CPNE8: variants seen among roughly 807,000 people sequenced by gnomAD.
The protein encoded by CPNE8 is copine 8.
A neutral mutation model predicts 81.5 loss-of-function variants in CPNE8; 45 were observed. That is an observed-to-expected ratio of 0.55 (90% CI 0.44 to 0.71). The LOEUF is 0.71. Among genes scored for constraint, CPNE8 ranks in the 30% least tolerant of loss-of-function variants. The probability of loss-of-function intolerance (pLI) is 0.00; values close to 1 mark genes in which losing one functional copy is unlikely to be tolerated. For synonymous variants in CPNE8, 252 were observed against 226.3 expected (o/e 1.11, Z -1.02); for missense variants, 594 against 672.1 (o/e 0.88, Z 1.28).
chr12:38,750,453 G>C (rs1941333053), intron 10 of CPNE8, among the ~76,000 whole-genome samples: 2 of 152,204 alleles, frequency 1.3e-5, no homozygotes, highest in African/African-American at 4.8e-5. Flanking sequence ...CGTGAAAGCA[G>C]TCAGGAAGGG....
chr12:38,727,566 T>C (rs1403708699), intron 11 of CPNE8, among the ~76,000 whole-genome samples: 1 of 152,216 alleles, frequency 6.6e-6, no homozygotes, highest in Non-Finnish European at 1.5e-5. Flanking sequence ...GCTCCATTCA[T>C]AGGGCTTGGG....
At chr12:38,657,227 C>T (rs1040609186) in intron 19 of CPNE8, among the ~76,000 whole-genome samples, 1 of 152,188 alleles carries the variant, frequency 6.6e-6, no homozygotes, top group African/African-American at 2.4e-5. Context: ...GAGATTCTCT[C>T]CTGTGCCTGG....
chr12:38,860,834 G>A lies in CPNE8; in HGVS notation c.186+12170C>T, dbSNP rs185450889. 7.2e-4 allele frequency among the ~76,000 whole-genome samples: 110 copies of A among 152,194 alleles called. 4 individuals are homozygous for A. The East Asian group carries it at 7.7e-3, about 11-fold the overall frequency. ...GCAAAAAGTAGAAGAATGTCTGTCC[G>A]GGGTTGAAGGGAGGGAAAACTGGGA... On this transcript the variant is annotated intron_variant, in intron 3 of 19. Transcript: ENST00000331366.
Position 38,759,990 on chromosome 12 carries a change from T to C in CPNE8, c.722+857A>G, listed in dbSNP as rs548981034. On this transcript the variant is annotated intron_variant, in intron 10 of 19. Coordinates refer to ENST00000331366, the MANE Select transcript of CPNE8 (RefSeq NM_153634.3). The stretch of plus-strand genomic sequence containing the variant: ...TCCCTTTGGGGGTTGGTTTCTGGCT[T>C]GTACACAATGCAGAGAGAAAAGCAT... 3.3e-5 allele frequency among the ~76,000 whole-genome samples: 5 copies of C among 152,314 alleles called. No individual in the cohort carries two copies. The East Asian group carries it at 9.7e-4, about 29-fold the overall frequency.
At chr12:38,783,875 G>A (rs192411232) in intron 6 of CPNE8, among the ~76,000 whole-genome samples, 1 of 152,262 alleles carries the variant, frequency 6.6e-6, no homozygotes, top group Non-Finnish European at 1.5e-5. Flanking sequence ...GAAATATCTG[G>A]AAAGTCTTGC....
At chr12:38,806,167 C>G (rs1342427850) in intron 6 of CPNE8, among the ~76,000 whole-genome samples, 1 of 150,228 alleles carries the variant, frequency 6.7e-6, no homozygotes, top group African/African-American at 2.4e-5. Flanking sequence ...TGAATTCTAC[C>G]AGAGGCATGA....
intron 16 of CPNE8, among the ~76,000 whole-genome samples, chr12:38,678,206 G>A (rs1939335084): frequency 1.3e-5 from 2 of 151,868 alleles, no homozygotes; most frequent in African/African-American, 4.8e-5. Flanking sequence ...CACATCCACA[G>A]TCAAGTCTTA....
At chr12:38,708,038 G>A (rs1338788909) in intron 13 of CPNE8, among the ~76,000 whole-genome samples, 1 of 152,130 alleles carries the variant, frequency 6.6e-6, no homozygotes, top group Non-Finnish European at 1.5e-5. Flanking sequence ...AAAATCAATA[G>A]CATAACCTAA....
intron 6 of CPNE8, among the ~76,000 whole-genome samples, chr12:38,822,573 G>T (rs1006271401): frequency 8.5e-5 from 13 of 152,116 alleles, no homozygotes; most frequent in Non-Finnish European, 1.8e-4. Context: ...ACTCTTAAAT[G>T]AGTGTTATTC....
intron 6 of CPNE8, among the ~76,000 whole-genome samples, chr12:38,816,402 A>G (rs1184944248): frequency 6.6e-6 from 1 of 152,202 alleles, no homozygotes; most frequent in African/African-American, 2.4e-5. Context: ...GAAGGTATTC[A>G]GCCTCTTGAT....
At chr12:38,656,755 G>C (rs1215661105) in intron 19 of CPNE8, among the ~76,000 whole-genome samples, 1 of 152,090 alleles carries the variant, frequency 6.6e-6, no homozygotes, top group African/African-American at 2.4e-5. Context: ...TTGAAGCGGG[G>C]AGCTCTCAGC....
chr12:38,689,903 A>T (rs1296894460), intron 15 of CPNE8, among the ~76,000 whole-genome samples: 1 of 152,226 alleles, frequency 6.6e-6, no homozygotes, highest in Non-Finnish European at 1.5e-5. Flanking sequence ...CATTCTTTTC[A>T]TAACCATAAG....
At chr12:38,780,811 T>G (rs1279939956) in intron 6 of CPNE8, among the ~76,000 whole-genome samples, 3 of 152,024 alleles carry the variant, frequency 2.0e-5, no homozygotes, top group East Asian at 3.8e-4. Context: ...TAAGAAATAA[T>G]GCATTTATAT....
chr12:38,766,308 T>C (rs1941688507), intron 8 of CPNE8, among the ~76,000 whole-genome samples: 1 of 152,214 alleles, frequency 6.6e-6, no homozygotes, highest in Non-Finnish European at 1.5e-5. Context: ...AGGGAGCAAG[T>C]AGTTCATAAG....
intron 19 of CPNE8, among the ~76,000 whole-genome samples, chr12:38,664,774 C>T (rs1009349326): frequency 6.6e-6 from 1 of 152,082 alleles, no homozygotes; most frequent in African/African-American, 2.4e-5. Context: ...AAGAAATCCT[C>T]AATTTCAACC....
chr12:38,652,315 T>A lies in CPNE8; in HGVS notation c.*1567A>T, dbSNP rs1048765940. ...TATTTAAGATCAGTAAAGGAAATCA[T>A]CAAACTATTGTCATTCATACATGAA... On this transcript the variant is annotated 3_prime_UTR_variant, in exon 20 of 20. Coordinates refer to ENST00000331366, the MANE Select transcript of CPNE8 (RefSeq NM_153634.3). 25 of 152,416 alleles carry A rather than the reference T, an allele frequency of 1.6e-4. No individual in the cohort carries two copies. The highest frequency in any genetic ancestry group is 7.2e-4 in the Admixed American group (11 of 15,272). 9.4% of individuals were successfully genotyped at this position (152,416 alleles called of 1,614,324 possible). A position where few individuals can be genotyped will look rare whatever the true frequency, so the allele number is the denominator to read the frequency against.
At chr12:38,695,342 C>A (rs1398109624) in intron 14 of CPNE8, among the ~76,000 whole-genome samples, 1 of 152,146 alleles carries the variant, frequency 6.6e-6, no homozygotes. Flanking sequence ...TCAATAAGAA[C>A]CAATTAGCAA....
At chr12:38,905,986 C>T, upstream of CPNE8, 1 of 985,450 alleles carries the variant, frequency 1.0e-6, no homozygotes, top group Non-Finnish European at 1.2e-6. Flanking sequence ...CACCCACACT[C>T]GCCTCCTGGG....
chr12:38,752,462 C>T (rs1156678417), intron 10 of CPNE8, among the ~76,000 whole-genome samples: 2 of 152,138 alleles, frequency 1.3e-5, no homozygotes, highest in Non-Finnish European at 2.9e-5. Flanking sequence ...CCTGGGCCAC[C>T]CCATAATTCA....
Sources: gnomAD v4.1 joint callset for allele counts (sites outside exome capture counted in the v4.1 genomes callset) on GRCh38, gnomAD v4.1.1 for gene constraint, MANE v1.5 for transcripts, NCBI Gene and HGNC (gene_info 2026-07-23, HGNC 2026-07-21) for gene names.